The following MMP26 variants were observed in gnomAD, a reference collection of about 807,000 sequenced individuals.
MMP26 encodes the protein matrix metalloproteinase-26.
MMP26 carries 33 observed loss-of-function variants against 31.0 expected under a neutral mutation model. That is an observed-to-expected ratio of 1.06 (90% CI 0.81 to 1.42). The LOEUF is 1.42. MMP26 is among the 40% of genes most tolerant of loss of function. MMP26 has a pLI of 0.00. For missense variants in MMP26, 347 were observed against 316.1 expected (o/e 1.10, Z -0.74); for synonymous variants, 122 against 114.9 (o/e 1.06, Z -0.40).
intron 2 of MMP26, chr11:4,907,978 T>A: frequency 6.2e-7 from 1 of 1,614,194 alleles, no homozygotes; most frequent in African/African-American, 1.3e-5. Flanking sequence ...TCTTCATTGC[T>A]CTCTGTACTA....
At chr11:4,818,399 CATT>C (rs1849449455) in intron 2 of MMP26, among the ~76,000 whole-genome samples, 1 of 151,964 alleles carries the variant, frequency 6.6e-6, no homozygotes, top group African/African-American at 2.4e-5. Flanking sequence ...GCTTACTAGT[CATT>C]ATATTTAAAG....
chr11:4,803,625 C>T (rs1274411987), intron 2 of MMP26: 4 of 1,613,862 alleles, frequency 2.5e-6, no homozygotes, highest in Non-Finnish European at 3.4e-6. Context: ...TATAAAGAGC[C>T]AAGATGACAC....
chr11:4,807,578 G>C (rs567997714), intron 2 of MMP26, among the ~76,000 whole-genome samples: 207 of 145,928 alleles, frequency 1.4e-3, no homozygotes, highest in African/African-American at 5.0e-3. Context: ...GAGAACACAT[G>C]GATACAGGGT....
At chr11:4,816,640 G>A (rs866820186) in intron 2 of MMP26, among the ~76,000 whole-genome samples, 114 of 150,374 alleles carry the variant, frequency 7.6e-4, no homozygotes, top group African/African-American at 2.5e-3. Flanking sequence ...ATGATTATGG[G>A]CAACTGAATT....
chr11:4,892,554 C>A (rs1431762555), intron 2 of MMP26, among the ~76,000 whole-genome samples: 1 of 152,214 alleles, frequency 6.6e-6, no homozygotes, highest in East Asian at 1.9e-4. Flanking sequence ...CTTCACCAAG[C>A]ACAGTTCTTG....
At chr11:4,957,952 C>T (rs538086666) in intron 2 of MMP26, among the ~76,000 whole-genome samples, 1 of 152,166 alleles carries the variant, frequency 6.6e-6, no homozygotes, top group South Asian at 2.1e-4. Flanking sequence ...CATATATTTC[C>T]TTAGAAGCTT....
chr11:4,711,952 T>C (rs1025374299), intron 1 of MMP26: 1 of 152,310 alleles, frequency 6.6e-6, no homozygotes, highest in East Asian at 1.9e-4. Flanking sequence ...GATTGTTCCA[T>C]TTATTATTCT....
rs145504553 is a variant in MMP26, at chr11:4,866,413, G to A, written c.-145+99072G>A. 2.5e-3 allele frequency among the ~76,000 whole-genome samples: 384 copies of A among 152,126 alleles called. 1 individual carries two copies. The highest frequency in any genetic ancestry group is 8.8e-3 in the African/African-American group (365 of 41,522). ...TACCTTGTTTATAACAAAAACCTATGAGACTTTTAAGGAAACAGGAAAACA... is the reference window on the plus strand; with the variant it reads ...TACCTTGTTTATAACAAAAACCTATAAGACTTTTAAGGAAACAGGAAAACA... On this transcript the variant is annotated intron_variant, in intron 2 of 7. Coordinates refer to ENST00000380390, the MANE Select transcript of MMP26 (RefSeq NM_021801.5).
intron 2 of MMP26, among the ~76,000 whole-genome samples, chr11:4,851,521 A>ACTC (rs1849975092): frequency 6.6e-6 from 1 of 152,058 alleles, no homozygotes; most frequent in East Asian, 1.9e-4. Flanking sequence ...AATGTGAAGG[A>ACTC]CTCTATACAC....
chr11:4,956,109 G>T (rs1846439647), intron 2 of MMP26, among the ~76,000 whole-genome samples: 1 of 152,138 alleles, frequency 6.6e-6, no homozygotes, highest in African/African-American at 2.4e-5. Context: ...GTGATCTTCA[G>T]TTCTATGTGA....
chr11:4,822,491 G>T, intron 2 of MMP26: 1 of 925,640 alleles, frequency 1.1e-6, no homozygotes, highest in Non-Finnish European at 1.5e-6. Flanking sequence ...CAATTTATAG[G>T]TTATGTGACA....
chr11:4,886,614 T>C (rs1850548998), intron 2 of MMP26, among the ~76,000 whole-genome samples: 1 of 151,626 alleles, frequency 6.6e-6, no homozygotes, highest in Non-Finnish European at 1.5e-5. Flanking sequence ...TATCTTTGGT[T>C]CCACCCTCAT....
intron 1 of MMP26, chr11:4,722,594 A>G: frequency 1.8e-6 from 1 of 543,676 alleles, no homozygotes; most frequent in South Asian, 2.5e-5. Flanking sequence ...CAGGCACTAA[A>G]CTCCCCCGTG....
intron 2 of MMP26, among the ~76,000 whole-genome samples, chr11:4,888,475 A>G (rs1288802500): frequency 1.3e-5 from 2 of 152,154 alleles, no homozygotes; most frequent in Non-Finnish European, 2.9e-5. Context: ...CTAAACAACC[A>G]TTAAGAACCA....
At chr11:4,754,832 C>T (rs1434664525) in intron 1 of MMP26, among the ~76,000 whole-genome samples, 1 of 151,938 alleles carries the variant, frequency 6.6e-6, no homozygotes, top group East Asian at 1.9e-4. Context: ...ATTAGAGCCA[C>T]ATGTCTAATT....
Position 4,919,891 on chromosome 11 carries a change from T to A in MMP26, c.-144-68177T>A, listed in dbSNP as rs111587039. Among the ~76,000 whole-genome samples, 661 of 152,306 alleles carry A rather than the reference T, an allele frequency of 4.3e-3. 7 individuals are homozygous for A. Among genetic ancestry groups the A allele is most frequent in the African/African-American group, 0.015 (616 of 41,544 alleles). ...ATACTCTTAGGGACTTCATCTCCTC[T>A]TCCTGTCTCTGATCCACTCAGAACT... On this transcript the variant is annotated intron_variant, in intron 2 of 7. Transcript: ENST00000380390.
chr11:4,797,671 G>GC (rs1564911813), intron 2 of MMP26, among the ~76,000 whole-genome samples: 1 of 152,096 alleles, frequency 6.6e-6, no homozygotes, highest in African/African-American at 2.4e-5. Context: ...AATGGAGCTG[G>GC]CACATTCAAG....
chr11:4,950,388 G>A, intron 2 of MMP26, among the ~76,000 whole-genome samples: 1 of 120,586 alleles, frequency 8.3e-6, no homozygotes, highest in Non-Finnish European at 1.9e-5. Flanking sequence ...CAACATGGAT[G>A]GAACTGGAGA....
At chr11:4,924,224 G>A (rs766976828) in intron 2 of MMP26, 62 of 1,614,080 alleles carry the variant, frequency 3.8e-5, no homozygotes, top group Non-Finnish European at 8.5e-7. Flanking sequence ...CAAGATAACT[G>A]TCAGGTAGAT....
Sources: allele counts gnomAD v4.1 joint callset (sites outside exome capture counted in the v4.1 genomes callset), GRCh38; gene constraint gnomAD v4.1.1; transcripts MANE v1.5; gene names NCBI Gene and HGNC (gene_info 2026-07-23, HGNC 2026-07-21).